Variants in CREB5 observed in about 807,000 individuals in gnomAD.
The protein encoded by CREB5 is cyclic AMP-responsive element-binding protein 5.
Under a neutral mutation model 57.1 loss-of-function variants are expected in CREB5, and 19 were observed. The ratio of observed to expected loss-of-function variants is 0.33; its 90% CI spans 0.23 to 0.49. The LOEUF (loss-of-function observed/expected upper bound fraction) is 0.49. Ranked by LOEUF, CREB5 falls within the 20% of genes least tolerant of loss-of-function variation. The pLI is 0.99. For synonymous variants in CREB5, 238 were observed against 238.3 expected (o/e 1.00, Z 0.01); for missense variants, 579 against 671.6 (o/e 0.86, Z 1.52).
intron 5 of CREB5, among the ~76,000 whole-genome samples, chr7:28,642,597 C>T (rs1798700978): frequency 1.3e-5 from 2 of 152,148 alleles, no homozygotes; most frequent in East Asian, 3.9e-4. Flanking sequence ...CTGTTAATAT[C>T]TGTCAAGGAA....
intron 5 of CREB5, 54 bp downstream of exon 5, chr7:28,570,591 C>T: frequency 6.4e-7 from 1 of 1,567,988 alleles, no homozygotes; most frequent in Non-Finnish European, 8.7e-7. Flanking sequence ...CAGGAAATGT[C>T]CTGGACTTCC....
In CREB5 at chr7:28,412,552, T is replaced by C. The variant is rs1787844271; in HGVS notation, c.-363T>C. 1 of 193,050 alleles carries C rather than the reference T, an allele frequency of 5.2e-6. No homozygotes were observed. The highest frequency in any genetic ancestry group is 1.0e-5 in the Non-Finnish European group (1 of 95,336). 12.0% of individuals were successfully genotyped at this position (193,050 alleles called of 1,614,324 possible). A position where few individuals can be genotyped will look rare whatever the true frequency, so the allele number is the denominator to read the frequency against. The stretch of plus-strand genomic sequence containing the variant: ...CATTTACAACAAAGTTGATTCTGTG[T>C]AGGGTTGGAGGCTAGACAGTTCCAC... On this transcript the variant is annotated 5_prime_UTR_variant, in exon 1 of 11. Transcript: ENST00000357727.
chr7:28,658,951 G>GTGTGTATATATATATATATATATATATA (rs1554281515), intron 5 of CREB5, among the ~76,000 whole-genome samples: 1 of 46,998 alleles, frequency 2.1e-5, no homozygotes, highest in Non-Finnish European at 4.7e-5. Flanking sequence ...ATGTGTGTGT[G>GTGTGTATATATATATATATATATATATA]TGTATATATA....
In CREB5 at chr7:28,560,819, TGTGCGC is replaced by T. The variant is rs1395002362; in HGVS notation, c.292-9544_292-9539del. On this transcript the variant is annotated intron_variant, in intron 4 of 10. Transcript: ENST00000357727. ...CACAGTGTGTGTGCGCGTGTGTGTG[TGTGCGC>T]GCGCGCGCGTGTGTGTGTGCGCGTG... is the stretch of plus-strand genomic sequence containing the variant. Among the ~76,000 whole-genome samples, 4 of 62,416 alleles carry T rather than the reference TGTGCGC, an allele frequency of 6.4e-5. 1 individual carries two copies. Among genetic ancestry groups the T allele is most frequent in the East Asian group, 4.4e-4 (1 of 2,254 alleles). 40.9% of individuals were successfully genotyped at this position (62,416 alleles called of 152,430 possible).
chr7:28,560,881 T>TGTGCGCGTGCGTGTGC (rs1554344374), intron 4 of CREB5, among the ~76,000 whole-genome samples: 9 of 46,242 alleles, frequency 1.9e-4, no homozygotes, highest in African/African-American at 2.1e-4. Context: ...TGCGCGTGCG[T>TGTGCGCGTGCGTGTGC]GCGTGCGTGT....
chr7:28,565,053 A>G (rs1795425074), intron 4 of CREB5, among the ~76,000 whole-genome samples: 1 of 152,212 alleles, frequency 6.6e-6, no homozygotes, highest in Admixed American at 6.5e-5. Context: ...ACATGGCTAC[A>G]AGGAAGGGTA....
chr7:28,527,756 T>G (rs1252994518), intron 4 of CREB5, among the ~76,000 whole-genome samples: 1 of 152,190 alleles, frequency 6.6e-6, no homozygotes, highest in East Asian at 1.9e-4. Context: ...AGTTTGAGGT[T>G]GCAGTAAGCT....
At chr7:28,369,452 C>T (rs1213081914) in intron 1 of CREB5, among the ~76,000 whole-genome samples, 2 of 150,614 alleles carry the variant, frequency 1.3e-5, no homozygotes, top group Non-Finnish European at 3.0e-5. Flanking sequence ...CAGTGTCCAG[C>T]TCTACGGACA....
At chr7:28,543,785 G>T (rs573435281) in intron 4 of CREB5, among the ~76,000 whole-genome samples, 1 of 151,796 alleles carries the variant, frequency 6.6e-6, no homozygotes, top group South Asian at 2.1e-4. Context: ...ACAGTGCCAC[G>T]TTCCTGTGAG....
At chr7:28,705,789 T>C (rs1166566156) in intron 5 of CREB5, among the ~76,000 whole-genome samples, 1 of 152,228 alleles carries the variant, frequency 6.6e-6, no homozygotes, top group African/African-American at 2.4e-5. Flanking sequence ...AAGAGAAAAG[T>C]ACCTTAGAAG....
intron 1 of CREB5, among the ~76,000 whole-genome samples, chr7:28,341,237 C>T (rs911194022): frequency 2.6e-5 from 4 of 152,092 alleles, no homozygotes; most frequent in African/African-American, 4.8e-5. Flanking sequence ...TAAAATTTTA[C>T]ACTATATCAT....
chr7:28,803,803 G>C (rs2128800059), intron 7 of CREB5, among the ~76,000 whole-genome samples: 1 of 151,466 alleles, frequency 6.6e-6, no homozygotes, highest in South Asian at 2.1e-4. Context: ...ACACCAGATG[G>C]AGTCTCTTTG....
At chr7:28,404,680 G>A (rs1340941098) in intron 1 of CREB5, among the ~76,000 whole-genome samples, 8 of 152,218 alleles carry the variant, frequency 5.3e-5, no homozygotes, top group Non-Finnish European at 1.0e-4. Flanking sequence ...GAGGCCCTGT[G>A]TGACCAGGTA....
At chr7:28,350,717 G>A (rs1448889368) in intron 1 of CREB5, among the ~76,000 whole-genome samples, 2 of 152,088 alleles carry the variant, frequency 1.3e-5, no homozygotes, top group Non-Finnish European at 1.5e-5. Flanking sequence ...ATCCCAGGGA[G>A]AGCCCTGAGC....
chr7:28,392,618 C>G (rs1289804674), intron 1 of CREB5, among the ~76,000 whole-genome samples: 1 of 152,192 alleles, frequency 6.6e-6, no homozygotes, highest in African/African-American at 2.4e-5. Context: ...CACTCTTGAC[C>G]TTGACTGATG....
At chr7:28,754,261 C>G (rs1472750158) in intron 7 of CREB5, among the ~76,000 whole-genome samples, 4 of 152,138 alleles carry the variant, frequency 2.6e-5, no homozygotes, top group African/African-American at 9.7e-5. Context: ...ATTCTCACAC[C>G]AAAGGCCCTC....
chr7:28,316,977 A>G (rs1451889523), intron 1 of CREB5, among the ~76,000 whole-genome samples: 2 of 151,430 alleles, frequency 1.3e-5, no homozygotes, highest in Non-Finnish European at 2.9e-5. Context: ...CTACCATAAA[A>G]TGTAAGATTT....
chr7:28,811,134 A>G (rs1228717159), intron 9 of CREB5, among the ~76,000 whole-genome samples: 1 of 152,162 alleles, frequency 6.6e-6, no homozygotes, highest in Non-Finnish European at 1.5e-5. Context: ...TACACTCAGT[A>G]ACTTATTTGT....
At chr7:28,560,745 T>G (rs1795052704) in intron 4 of CREB5, among the ~76,000 whole-genome samples, 1 of 151,854 alleles carries the variant, frequency 6.6e-6, no homozygotes, top group South Asian at 2.1e-4. Flanking sequence ...CCCTTTGCCC[T>G]TCAGAACATG....
Sources: gnomAD v4.1 joint callset for allele counts (sites outside exome capture counted in the v4.1 genomes callset) on GRCh38, gnomAD v4.1.1 for gene constraint, MANE v1.5 for transcripts, NCBI Gene and HGNC (gene_info 2026-07-23, HGNC 2026-07-21) for gene names.